Variants in PRDM16 observed in about 807,000 individuals in gnomAD.
PRDM16 encodes the protein PR/SET domain 16, also known as histone-lysine N-methyltransferase PRDM16.
In PRDM16, 23 loss-of-function variants were observed where a neutral mutation model predicts 110.6. That is an observed-to-expected ratio of 0.21 (90% CI 0.15 to 0.29). The LOEUF is 0.29. PRDM16 is among the 10% of genes least tolerant of loss of function. The pLI is 1.00. For missense variants in PRDM16, 1,615 were observed against 1,794.3 expected, an observed-to-expected ratio of 0.90 and a Z score of 1.81; for synonymous variants, 799 against 781.8, an observed-to-expected ratio of 1.02 and a Z score of -0.37.
intron 5 of PRDM16, among the ~76,000 whole-genome samples, 156 bp downstream of exon 5, chr1:3,396,749 C>T (rs915667713): frequency 2.0e-5 from 3 of 152,198 alleles, no homozygotes; most frequent in Admixed American, 6.5e-5. Flanking sequence ...TCCATTTTTG[C>T]AGACCTCAGG....
At chr1:3,349,691 C>T (rs892850047) in intron 3 of PRDM16, among the ~76,000 whole-genome samples, 2 of 152,196 alleles carry the variant, frequency 1.3e-5, no homozygotes, top group African/African-American at 4.8e-5. Flanking sequence ...CCCTCCCTCC[C>T]ACTCCAATGC....
intron 3 of PRDM16, among the ~76,000 whole-genome samples, chr1:3,343,383 G>A (rs76879698): frequency 0.043 from 6,493 of 150,760 alleles, 221 homozygotes; most frequent in Non-Finnish European, 0.064. Flanking sequence ...GTCCTTAGTC[G>A]TTTATATGTA....
intron 3 of PRDM16, among the ~76,000 whole-genome samples, chr1:3,342,031 T>C (rs535052176): frequency 2.0e-5 from 3 of 152,232 alleles, no homozygotes; most frequent in Non-Finnish European, 4.4e-5. Flanking sequence ...ATGATTGAGG[T>C]TGCAGGTTGC....
chr1:3,131,113 C>T (rs553252801), intron 1 of PRDM16, among the ~76,000 whole-genome samples: 10 of 152,290 alleles, frequency 6.6e-5, no homozygotes, highest in African/African-American at 2.2e-4. Context: ...TGGCTTCCTC[C>T]GAGCTGTGCC....
intron 1 of PRDM16, among the ~76,000 whole-genome samples, chr1:3,126,055 T>C (rs1193254063): frequency 6.6e-6 from 1 of 152,228 alleles, no homozygotes; most frequent in African/African-American, 2.4e-5. Flanking sequence ...TCGGGCTGGC[T>C]CGTCCTTAGG....
intron 3 of PRDM16, among the ~76,000 whole-genome samples, chr1:3,384,708 C>T (rs895627138): frequency 2.6e-5 from 4 of 152,354 alleles, no homozygotes; most frequent in African/African-American, 9.6e-5. Flanking sequence ...AGCATGCACA[C>T]ACACATGCAC....
intron 1 of PRDM16, among the ~76,000 whole-genome samples, chr1:3,122,741 A>T (rs768387336): frequency 2.6e-5 from 4 of 151,900 alleles, no homozygotes; most frequent in Non-Finnish European, 4.4e-5. Context: ...GGTTTCACTA[A>T]CTGGCCAGAA....
intron 3 of PRDM16, among the ~76,000 whole-genome samples, chr1:3,351,628 C>T (rs1557627005): frequency 4.6e-5 from 2 of 43,342 alleles, no homozygotes; most frequent in Non-Finnish European, 5.7e-5. Flanking sequence ...CCCTCTCTCC[C>T]CCTCCCTCTC....
At position 3,376,922 on chromosome 1, in the gene PRDM16, A is replaced by C. The variant is rs375986624; in HGVS notation, c.439-8230A>C. On this transcript the variant is annotated intron_variant, in intron 3 of 16. Transcript: ENST00000270722. ...ATCACCACCCAGCCCCCTATTGGGCATCAGGATGGGGATTTATGAGCTCAC... is the reference window on the plus strand; with the variant it reads ...ATCACCACCCAGCCCCCTATTGGGCCTCAGGATGGGGATTTATGAGCTCAC... 7.9e-5 allele frequency among the ~76,000 whole-genome samples: 12 copies of C among 152,326 alleles called. No individual in the cohort carries two copies. The East Asian group carries it at 1.4e-3, about 17-fold the overall frequency.
intron 3 of PRDM16, among the ~76,000 whole-genome samples, chr1:3,361,464 TG>T (rs1347058729): frequency 6.6e-6 from 1 of 152,208 alleles, no homozygotes; most frequent in Non-Finnish European, 1.5e-5. Flanking sequence ...ATTGCAGTTT[TG>T]TGGAGGAAAG....
intron 1 of PRDM16, among the ~76,000 whole-genome samples, chr1:3,121,424 C>T (rs1643091451): frequency 6.6e-6 from 1 of 152,244 alleles, no homozygotes; most frequent in Admixed American, 6.5e-5. Context: ...GGACCGGGCT[C>T]AGAAAAGATC....
rs1258552471 is a variant in PRDM16, at chr1:3,208,960, C to CAAGGGAGTGA, written c.387+22487_387+22496dup. 1.3e-5 allele frequency among the ~76,000 whole-genome samples: 2 copies of CAAGGGAGTGA among 152,164 alleles called. No homozygotes were observed. The highest frequency in any genetic ancestry group is 1.3e-4 in the Admixed American group (2 of 15,280). On this transcript the variant is annotated intron_variant, in intron 2 of 16. Coordinates refer to ENST00000270722, the MANE Select transcript of PRDM16 (RefSeq NM_022114.4). This position sits in a 1 kb window ranked among gnomAD's most constrained non-coding sequence, Gnocchi z 6.1. ...TGAACAGATGTCCCCCTCGCCACAT[C>CAAGGGAGTGA]AAGGGAGTGACTTGCTCCGTCTGTC...
At position 3,069,204 on chromosome 1, in the gene PRDM16, G is replaced by T; in HGVS notation, c.-56G>T. ...TGACAATGCTGGGGAGATGAAGATA[G>T]TGTGTGGCTGCTTCTGGACTCAAGG... On this transcript the variant is annotated 5_prime_UTR_variant, in exon 1 of 17. Coordinates refer to ENST00000270722, the MANE Select transcript of PRDM16 (RefSeq NM_022114.4). This position sits in a 1 kb window ranked among gnomAD's most constrained non-coding sequence, Gnocchi z 6.1. 1 of 1,509,754 alleles carries T rather than the reference G, an allele frequency of 6.6e-7. No individual in the cohort carries two copies. Among genetic ancestry groups the T allele is most frequent in the East Asian group, 2.4e-5 (1 of 40,930 alleles). 93.5% of individuals were successfully genotyped at this position (1,509,754 alleles called of 1,614,324 possible). A position where few individuals can be genotyped will look rare whatever the true frequency, so the allele number is the denominator to read the frequency against.
At chr1:3,180,858 A>C in intron 1 of PRDM16, among the ~76,000 whole-genome samples, 1 of 148,946 alleles carries the variant, frequency 6.7e-6, no homozygotes, top group Non-Finnish European at 1.5e-5. Context: ...ACGCAGTCTT[A>C]CGCACGGCCT....
At chr1:3,312,606 C>A (rs972764521) in intron 3 of PRDM16, among the ~76,000 whole-genome samples, 1 of 152,346 alleles carries the variant, frequency 6.6e-6, no homozygotes. Context: ...CCCAGAAGTC[C>A]GGTGAGGGGC....
At chr1:3,139,310 G>A (rs1557476688) in intron 1 of PRDM16, among the ~76,000 whole-genome samples, 1 of 152,196 alleles carries the variant, frequency 6.6e-6, no homozygotes, top group Non-Finnish European at 1.5e-5. Context: ...GCCGAGCCGT[G>A]CAGATGAGAC....
intron 3 of PRDM16, among the ~76,000 whole-genome samples, chr1:3,287,142 C>T (rs1640863297): frequency 6.6e-6 from 1 of 152,208 alleles, no homozygotes; most frequent in Admixed American, 6.5e-5. Context: ...AGCATGGACG[C>T]TGGGAAGTGG....
intron 1 of PRDM16, among the ~76,000 whole-genome samples, chr1:3,085,780 G>T (rs534305953): frequency 6.6e-6 from 1 of 152,318 alleles, no homozygotes; most frequent in Non-Finnish European, 1.5e-5. Flanking sequence ...GCCACAGGTC[G>T]GGTGGGCAGC....
At chr1:3,095,323 A>ACAAGGCCGGGCGCGGTGGCTCAC (rs1557442056) in intron 1 of PRDM16, among the ~76,000 whole-genome samples, 6 of 151,358 alleles carry the variant, frequency 4.0e-5, no homozygotes, top group African/African-American at 1.5e-4. Context: ...AAAGTGGAGT[A>ACAAGGCCGGGCGCGGTGGCTCAC]GCAAACAACT....
Sources: allele counts gnomAD v4.1 joint callset (sites outside exome capture counted in the v4.1 genomes callset), GRCh38; gene constraint gnomAD v4.1.1; non-coding constraint Gnocchi (gnomAD v3.1); transcripts MANE v1.5; gene names NCBI Gene and HGNC (gene_info 2026-07-23, HGNC 2026-07-21).